MGAT4C: variants seen among roughly 807,000 people sequenced by gnomAD.
MGAT4C encodes the protein MGAT4 family member C.
A neutral mutation model predicts 40.1 loss-of-function variants in MGAT4C; 19 were observed. The ratio of observed to expected loss-of-function variants is 0.47; its 90% confidence interval spans 0.33 to 0.70. MGAT4C has a LOEUF of 0.70. Among genes scored for constraint, MGAT4C ranks in the 30% least tolerant of loss-of-function variants. The pLI is 0.02. For missense variants in MGAT4C, 491 were observed against 563.2 expected (o/e 0.87, Z 1.30); for synonymous variants, 181 against 187.1 (o/e 0.97, Z 0.27).
chr12:86,571,600 A>AGT (rs1239281643), intron 2 of MGAT4C, among the ~76,000 whole-genome samples: 2 of 152,022 alleles, frequency 1.3e-5, no homozygotes, highest in Non-Finnish European at 2.9e-5. Flanking sequence ...AGTATGCGTG[A>AGT]GTGTCTGTGT....
intron 2 of MGAT4C, among the ~76,000 whole-genome samples, chr12:86,502,680 T>A (rs181723400): frequency 3.7e-4 from 52 of 141,818 alleles, no homozygotes; most frequent in South Asian, 7.4e-4. Flanking sequence ...TATACACGAG[T>A]TCTGCTCATA....
intron 1 of MGAT4C, among the ~76,000 whole-genome samples, chr12:86,185,450 T>C (rs1348074861): frequency 6.6e-6 from 1 of 152,188 alleles, no homozygotes; most frequent in African/African-American, 2.4e-5. Flanking sequence ...TTGTGAGTAA[T>C]CAGCATTTAG....
intron 2 of MGAT4C, among the ~76,000 whole-genome samples, chr12:86,581,162 T>C (rs917614162): frequency 4.0e-5 from 6 of 151,472 alleles, no homozygotes; most frequent in African/African-American, 1.2e-4. Context: ...GGAAAGGGCA[T>C]ACTTCCTTTG....
At chr12:86,571,084 G>T (rs1960346239) in intron 2 of MGAT4C, among the ~76,000 whole-genome samples, 1 of 151,972 alleles carries the variant, frequency 6.6e-6, no homozygotes, top group Admixed American at 6.6e-5. Flanking sequence ...CAAAGTGCTG[G>T]GATTACAGGA....
intron 2 of MGAT4C, among the ~76,000 whole-genome samples, chr12:86,018,582 G>A (rs1036439530): frequency 6.6e-6 from 1 of 152,104 alleles, no homozygotes; most frequent in African/African-American, 2.4e-5. Context: ...TCTTCAGAAA[G>A]CCAGAAAAAT....
At chr12:86,412,756 G>A (rs1565743814) in intron 3 of MGAT4C, among the ~76,000 whole-genome samples, 1 of 152,162 alleles carries the variant, frequency 6.6e-6, no homozygotes, top group African/African-American at 2.4e-5. Flanking sequence ...AAGAACATGA[G>A]ATTTGAGAGG....
At chr12:86,275,984 G>C (rs1345365601) in intron 4 of MGAT4C, among the ~76,000 whole-genome samples, 1 of 148,760 alleles carries the variant, frequency 6.7e-6, no homozygotes, top group Non-Finnish European at 1.5e-5. Flanking sequence ...TTAGCCGGGC[G>C]TGGTGTTGGC....
chr12:86,778,891 GCAAAA>G (rs958215033), intron 1 of MGAT4C, among the ~76,000 whole-genome samples: 88 of 151,026 alleles, frequency 5.8e-4, no homozygotes, highest in African/African-American at 2.1e-3. Flanking sequence ...CAAAACTACT[GCAAAA>G]CAAAACAAAA....
At chr12:86,409,102 T>C (rs952615312) in intron 3 of MGAT4C, among the ~76,000 whole-genome samples, 4 of 152,148 alleles carry the variant, frequency 2.6e-5, no homozygotes, top group African/African-American at 9.7e-5. Context: ...ATTACACTTC[T>C]CTGTGAAGAA....
At chr12:86,376,808 GAGAGAGAGAC>G (rs1955832051) in intron 3 of MGAT4C, among the ~76,000 whole-genome samples, 1 of 109,976 alleles carries the variant, frequency 9.1e-6, no homozygotes, top group African/African-American at 3.6e-5. Context: ...GAGAGACAGA[GAGAGAGAGAC>G]AGAGAGAGAG....
intron 1 of MGAT4C, among the ~76,000 whole-genome samples, chr12:86,197,237 C>A (rs1238453000): frequency 6.6e-6 from 1 of 152,138 alleles, no homozygotes; most frequent in Non-Finnish European, 1.5e-5. Context: ...CATGTATCTA[C>A]CAATATTCTG....
At chr12:86,357,466 T>C (rs867043915) in intron 3 of MGAT4C, among the ~76,000 whole-genome samples, 3 of 152,134 alleles carry the variant, frequency 2.0e-5, no homozygotes, top group Admixed American at 6.5e-5. Context: ...CAAAGCTGGA[T>C]AGAGAATGAC....
At chr12:86,643,057 A>T (rs2136523726) in intron 2 of MGAT4C, among the ~76,000 whole-genome samples, 1 of 151,946 alleles carries the variant, frequency 6.6e-6, no homozygotes, top group South Asian at 2.1e-4. Flanking sequence ...GTTACAGCAG[A>T]ATACTATATA....
At chr12:86,821,870 A>G (rs1821157937) in intron 1 of MGAT4C, among the ~76,000 whole-genome samples, 1 of 151,028 alleles carries the variant, frequency 6.6e-6, no homozygotes, top group African/African-American at 2.4e-5. Context: ...CAACTGACAC[A>G]TGCTTGTGAT....
At chr12:86,700,070 T>TAGATAGATAGATA (rs1950330491) in intron 2 of MGAT4C, among the ~76,000 whole-genome samples, 16 of 150,038 alleles carry the variant, frequency 1.1e-4, no homozygotes, top group African/African-American at 1.7e-4. Flanking sequence ...ATAGATAAGA[T>TAGATAGATAGATA]AGATAGATAA....
At chr12:86,616,784 C>T (rs1386304096) in intron 2 of MGAT4C, among the ~76,000 whole-genome samples, 1 of 151,370 alleles carries the variant, frequency 6.6e-6, no homozygotes, top group Non-Finnish European at 1.5e-5. Flanking sequence ...CAAACAAAAG[C>T]CCAGAGAGAG....
At chr12:86,461,236 C>CTT (rs1182920834) in intron 2 of MGAT4C, among the ~76,000 whole-genome samples, 122 of 132,648 alleles carry the variant, frequency 9.2e-4, no homozygotes, top group Non-Finnish European at 1.2e-3. Context: ...TACACATCTT[C>CTT]TTTTTTTTTT....
chr12:86,150,847 G>C (rs1269634702), intron 1 of MGAT4C, among the ~76,000 whole-genome samples: 1 of 152,190 alleles, frequency 6.6e-6, no homozygotes, highest in African/African-American at 2.4e-5. Flanking sequence ...CTCTCCCAGT[G>C]GAGTCTCATG....
At position 86,268,672 on chromosome 12, in the gene MGAT4C, T is replaced by TATATAC. The variant is rs1035068666; in HGVS notation, c.-57+65392_-57+65393insGTATAT. The stretch of plus-strand genomic sequence containing the variant: ...CAAAAGGATATTAACTACATATATA[T>TATATAC]ATATATACATATATACATATATATA... On this transcript the variant is annotated intron_variant, in intron 4 of 7. Transcript: ENST00000548651. 3.6e-3 allele frequency among the ~76,000 whole-genome samples: 522 copies of TATATAC among 146,908 alleles called. 3 individuals are homozygous for TATATAC. The highest frequency in any genetic ancestry group is 0.013 in the African/African-American group (508 of 40,562).
Sources: gnomAD v4.1 joint callset for allele counts (sites outside exome capture counted in the v4.1 genomes callset) on GRCh38, gnomAD v4.1.1 for gene constraint, MANE v1.5 for transcripts, NCBI Gene and HGNC (gene_info 2026-07-23, HGNC 2026-07-21) for gene names.